Variants in TSPAN18 observed in about 807,000 individuals in gnomAD.
TSPAN18 encodes tetraspanin 18, also known as tetraspanin-18.
In TSPAN18, 14 loss-of-function variants were observed where a neutral mutation model predicts 27.3. That is an observed-to-expected ratio of 0.51 (90% CI 0.34 to 0.80). The LOEUF is 0.80. Ranked by LOEUF, TSPAN18 falls within the 30% of genes least tolerant of loss-of-function variation. TSPAN18 has a pLI of 0.01. For synonymous variants in TSPAN18, 143 were observed against 136.5 expected (o/e 1.05, Z -0.33); for missense variants, 268 against 323.9 (o/e 0.83, Z 1.32).
chr11:44,861,785 C>T (rs1857893690), intron 3 of TSPAN18, among the ~76,000 whole-genome samples: 1 of 121,908 alleles, frequency 8.2e-6, no homozygotes, highest in African/African-American at 3.3e-5. Flanking sequence ...TATCTGAAAG[C>T]CCAAATTTCA....
intron 3 of TSPAN18, chr11:44,903,313 G>T (rs1330496443): frequency 2.4e-6 from 1 of 420,388 alleles, no homozygotes; most frequent in African/African-American, 2.0e-5. Context: ...AAACAGAAGG[G>T]ATCAGCATGA....
At chr11:44,854,652 A>G (rs1425184876) in intron 2 of TSPAN18, among the ~76,000 whole-genome samples, 1 of 152,160 alleles carries the variant, frequency 6.6e-6, no homozygotes, top group Non-Finnish European at 1.5e-5. Context: ...CACACCCATT[A>G]GGACTGGATT....
chr11:44,791,450 C>A (rs1030196892), intron 2 of TSPAN18, among the ~76,000 whole-genome samples: 1 of 152,198 alleles, frequency 6.6e-6, no homozygotes, highest in African/African-American at 2.4e-5. Flanking sequence ...ATCCATCTGT[C>A]CCCCGACATG....
chr11:44,912,582 T>C (rs765945998), intron 5 of TSPAN18, among the ~76,000 whole-genome samples: 1 of 152,174 alleles, frequency 6.6e-6, no homozygotes. Flanking sequence ...TAAAATTATA[T>C]GCAAAATGTT....
chr11:44,908,769 G>GAAAGAAAGAAAGAAAAGGAAAGAA (rs1554938043), intron 4 of TSPAN18, among the ~76,000 whole-genome samples: 1 of 71,618 alleles, frequency 1.4e-5, no homozygotes, highest in African/African-American at 6.7e-5. Context: ...AGAGAGAAAG[G>GAAAGAAAGAAAGAAAAGGAAAGAA]AGAAAGAAAG....
At chr11:44,808,972 G>A (rs951294608) in intron 2 of TSPAN18, among the ~76,000 whole-genome samples, 13 of 152,116 alleles carry the variant, frequency 8.5e-5, no homozygotes, top group Admixed American at 2.0e-4. Flanking sequence ...CATGGTAATC[G>A]TAGGAGCTAA....
At chr11:44,922,116 C>T (rs1443355931) in intron 8 of TSPAN18, among the ~76,000 whole-genome samples, 1 of 93,738 alleles carries the variant, frequency 1.1e-5, no homozygotes, top group Non-Finnish European at 1.9e-5. Flanking sequence ...GCCCAGGATG[C>T]ATTTTTTTTT....
chr11:44,867,544 A>G (rs1022171645), intron 3 of TSPAN18, among the ~76,000 whole-genome samples: 2 of 151,852 alleles, frequency 1.3e-5, no homozygotes, highest in African/African-American at 4.8e-5. Flanking sequence ...GACTACAGGC[A>G]TGCACCACCA....
intron 2 of TSPAN18, among the ~76,000 whole-genome samples, chr11:44,814,216 C>G (rs1856776052): frequency 7.0e-6 from 1 of 143,676 alleles, no homozygotes; most frequent in Non-Finnish European, 1.5e-5. Context: ...GGTTGCCAAT[C>G]TCTTCCTGTT....
intron 1 of TSPAN18, among the ~76,000 whole-genome samples, chr11:44,728,201 T>G (rs1331362341): frequency 1.3e-5 from 2 of 152,144 alleles, no homozygotes; most frequent in Admixed American, 6.5e-5. Context: ...TTCACAGTTA[T>G]AACTGCGCCG....
chr11:44,851,412 T>C (rs1289457319), intron 2 of TSPAN18, among the ~76,000 whole-genome samples: 3 of 152,184 alleles, frequency 2.0e-5, no homozygotes, highest in African/African-American at 7.2e-5. Flanking sequence ...GGGGGTTTTA[T>C]ACAAATCCGT....
intron 2 of TSPAN18, among the ~76,000 whole-genome samples, chr11:44,784,002 G>A (rs12273347): frequency 0.17 from 26,603 of 152,168 alleles, 2,405 homozygotes; most frequent in Middle Eastern, 0.22. Flanking sequence ...AGGGGTCAGA[G>A]CACAGCCTGC....
intron 3 of TSPAN18, among the ~76,000 whole-genome samples, chr11:44,898,349 C>T (rs72901362): frequency 0.021 from 3,216 of 152,302 alleles, 51 homozygotes; most frequent in Middle Eastern, 0.051. Flanking sequence ...CTAGATCGTG[C>T]TTCCCAACCT....
At chr11:44,768,619 C>G (rs547327382) in intron 2 of TSPAN18, among the ~76,000 whole-genome samples, 1 of 152,188 alleles carries the variant, frequency 6.6e-6, no homozygotes, top group African/African-American at 2.4e-5. Context: ...GTAGCTAGGA[C>G]TTCCAGTATA....
intron 1 of TSPAN18, among the ~76,000 whole-genome samples, chr11:44,755,468 G>A (rs1590423227): frequency 3.3e-5 from 5 of 151,988 alleles, no homozygotes; most frequent in East Asian, 3.9e-4. Flanking sequence ...TGCAGGTGGA[G>A]AGCCCGGCAG....
chr11:44,928,139 A>G (rs939776723), intron 9 of TSPAN18, among the ~76,000 whole-genome samples: 4 of 152,138 alleles, frequency 2.6e-5, no homozygotes, highest in Non-Finnish European at 5.9e-5. Flanking sequence ...CCGTGAGAAC[A>G]TCAGCAAATC....
At chr11:44,834,369 C>G (rs1036960432) in intron 2 of TSPAN18, among the ~76,000 whole-genome samples, 2 of 152,132 alleles carry the variant, frequency 1.3e-5, no homozygotes, top group Non-Finnish European at 2.9e-5. Context: ...GAGAGCCACA[C>G]GGGTTCTTTC....
intron 2 of TSPAN18, among the ~76,000 whole-genome samples, chr11:44,843,415 A>C (rs559393205): frequency 9.8e-5 from 15 of 152,324 alleles, no homozygotes; most frequent in East Asian, 3.9e-4. Context: ...GGGTAATAGA[A>C]TATCACAAGG....
intron 2 of TSPAN18, among the ~76,000 whole-genome samples, chr11:44,789,641 C>G (rs1381583174): frequency 6.6e-6 from 1 of 152,104 alleles, no homozygotes; most frequent in Non-Finnish European, 1.5e-5. Context: ...ATTGGTGATT[C>G]TGAGCTGGGA....
Sources: gnomAD v4.1 joint callset for allele counts (sites outside exome capture counted in the v4.1 genomes callset) on GRCh38, gnomAD v4.1.1 for gene constraint, MANE v1.5 for transcripts, NCBI Gene and HGNC (gene_info 2026-07-23, HGNC 2026-07-21) for gene names.